Variants in CNTN6 observed in about 807,000 individuals in gnomAD.
CNTN6 encodes contactin-6.
In CNTN6, 137 loss-of-function variants were observed where a neutral mutation model predicts 122.8. That is an observed-to-expected ratio of 1.12 (90% confidence interval 0.97 to 1.29). The LOEUF is 1.29. Ranked by LOEUF, CNTN6 falls within the 50% of genes most tolerant of loss-of-function variation. CNTN6 has a pLI of 0.00. For missense variants in CNTN6, 1,634 were observed against 1,223.4 expected (o/e 1.34, Z -5.01); for synonymous variants, 570 against 426.0 (o/e 1.34, Z -4.16).
chr3:1,102,132 C>T (rs1406374286), intron 1 of CNTN6, among the ~76,000 whole-genome samples: 3 of 152,098 alleles, frequency 2.0e-5, no homozygotes, highest in African/African-American at 7.2e-5. Context: ...TGAATGAGCT[C>T]TCAAAAGAAT....
At chr3:1,295,208 T>C (rs1190055706) in intron 5 of CNTN6, among the ~76,000 whole-genome samples, 1 of 152,252 alleles carries the variant, frequency 6.6e-6, no homozygotes, top group African/African-American at 2.4e-5. Flanking sequence ...TATGTTTAAT[T>C]CTTCTGATAA....
intron 4 of CNTN6, among the ~76,000 whole-genome samples, chr3:1,245,267 AT>A (rs2094555880): frequency 1.0e-3 from 5 of 4,814 alleles, no homozygotes; most frequent in Non-Finnish European, 2.0e-3. Flanking sequence ...ACATATATAT[AT>A]ATATATACAC....
At chr3:1,332,498 G>GGAAGGAAGGAAC (rs1168461926) in intron 11 of CNTN6, among the ~76,000 whole-genome samples, 4 of 101,640 alleles carry the variant, frequency 3.9e-5, no homozygotes, top group Non-Finnish European at 7.8e-5. Context: ...AAGGAAAAAA[G>GGAAGGAAGGAAC]GAAGGAAGGA....
At chr3:1,097,300 T>A (rs1286309012) in intron 1 of CNTN6, among the ~76,000 whole-genome samples, 2 of 152,178 alleles carry the variant, frequency 1.3e-5, no homozygotes, top group African/African-American at 4.8e-5. Context: ...GTAACATGAA[T>A]CAAAATCTGT....
At chr3:1,252,279 G>A (rs748348485) in intron 4 of CNTN6, among the ~76,000 whole-genome samples, 1 of 152,170 alleles carries the variant, frequency 6.6e-6, no homozygotes, top group Non-Finnish European at 1.5e-5. Flanking sequence ...GCTGTTCTCT[G>A]AGGACAAGAA....
intron 1 of CNTN6, among the ~76,000 whole-genome samples, chr3:1,125,886 G>A (rs1053267582): frequency 3.3e-5 from 5 of 151,822 alleles, no homozygotes; most frequent in Admixed American, 2.0e-4. Flanking sequence ...TTATGATGGT[G>A]AACTAGATAA....
intron 2 of CNTN6, among the ~76,000 whole-genome samples, chr3:1,176,110 G>T (rs1261192380): frequency 6.6e-6 from 1 of 152,132 alleles, no homozygotes; most frequent in Non-Finnish European, 1.5e-5. Context: ...AGAAGGAAAA[G>T]GAGTCAGAGT....
intron 4 of CNTN6, among the ~76,000 whole-genome samples, chr3:1,251,613 C>T (rs1352622528): frequency 1.3e-5 from 2 of 152,054 alleles, no homozygotes; most frequent in Non-Finnish European, 2.9e-5. Context: ...CACCTGCTTT[C>T]ACTTTCCAAT....
intron 12 of CNTN6, among the ~76,000 whole-genome samples, chr3:1,365,834 G>T (rs1708141814): frequency 6.6e-6 from 1 of 151,936 alleles, no homozygotes; most frequent in Non-Finnish European, 1.5e-5. Flanking sequence ...TTAACCTTGG[G>T]ACTCCATCTT....
intron 2 of CNTN6, among the ~76,000 whole-genome samples, chr3:1,213,553 A>G (rs2094079223): frequency 6.6e-6 from 1 of 151,954 alleles, no homozygotes; most frequent in East Asian, 1.9e-4. Flanking sequence ...AAAATAAAAA[A>G]CCTATCTCCA....
At chr3:1,343,003 G>C (rs1051250619) in intron 11 of CNTN6, among the ~76,000 whole-genome samples, 9 of 152,070 alleles carry the variant, frequency 5.9e-5, no homozygotes, top group African/African-American at 2.2e-4. Flanking sequence ...TCCTAAGAGA[G>C]TGAGACCGGA....
Position 1,117,346 on chromosome 3 carries a change from A to G in CNTN6, c.-83+24226A>G, listed in dbSNP as rs185750337. ...AAGAAAGGTTAAAAACAAAAATCAG[A>G]AACAGTAAGTCCTGTTCAGGGAACT... is the stretch of plus-strand genomic sequence containing the variant. On this transcript the variant is annotated intron_variant, in intron 1 of 22. Coordinates refer to ENST00000446702, the MANE Select transcript of CNTN6 (RefSeq NM_001289080.2). 2.0e-5 allele frequency among the ~76,000 whole-genome samples: 3 copies of G among 151,168 alleles called. No homozygotes were observed. The East Asian group carries it at 5.8e-4, about 29-fold the overall frequency.
intron 2 of CNTN6, among the ~76,000 whole-genome samples, chr3:1,170,414 G>C (rs948950196): frequency 1.3e-5 from 2 of 152,064 alleles, no homozygotes. Context: ...ACAGTTAGTA[G>C]CAGAACCCGT....
chr3:1,275,538 C>T (rs767976301), intron 4 of CNTN6, among the ~76,000 whole-genome samples: 2 of 152,158 alleles, frequency 1.3e-5, no homozygotes. Context: ...CACCAATTTG[C>T]TCGTGCCAAA....
intron 4 of CNTN6, among the ~76,000 whole-genome samples, chr3:1,269,570 A>C (rs1361296950): frequency 6.6e-6 from 1 of 152,204 alleles, no homozygotes; most frequent in Non-Finnish European, 1.5e-5. Context: ...TATTTTTGTC[A>C]TAAGTGTCAC....
rs139772269 is a variant in CNTN6 at position 1,250,814 on chromosome 3, A to G, written c.358+22821A>G. Among the ~76,000 whole-genome samples the G allele has an allele frequency of 4.6e-5, 7 of 152,224 alleles. No homozygotes were observed. The East Asian group carries it at 1.4e-3, about 29-fold the overall frequency. On this transcript the variant is annotated intron_variant, in intron 4 of 22. Coordinates refer to ENST00000446702, the MANE Select transcript of CNTN6 (RefSeq NM_001289080.2). ...ACTGACATTTGGCTTCCATCTGAAG[A>G]TGCTTCTCCTCTCTGGCTGAACTGC...
At chr3:1,360,124 T>TG (rs1559918407) in intron 12 of CNTN6, among the ~76,000 whole-genome samples, 1 of 151,784 alleles carries the variant, frequency 6.6e-6, no homozygotes, top group East Asian at 1.9e-4. Context: ...TTTGAAAGTG[T>TG]CTTTATTCTG....
chr3:1,392,354 T>A (rs796671716), intron 20 of CNTN6, among the ~76,000 whole-genome samples: 3,319 of 152,228 alleles, frequency 0.022, 18 homozygotes, highest in South Asian at 0.052. Flanking sequence ...GCTACCCATA[T>A]GTAGAAAGCT....
intron 4 of CNTN6, among the ~76,000 whole-genome samples, chr3:1,249,826 C>A (rs1366044561): frequency 2.0e-5 from 3 of 152,120 alleles, no homozygotes; most frequent in African/African-American, 7.2e-5. Flanking sequence ...ATTATTTCAT[C>A]CATTTTTAAG....
Sources: gnomAD v4.1 joint callset for allele counts (sites outside exome capture counted in the v4.1 genomes callset) on GRCh38, gnomAD v4.1.1 for gene constraint, MANE v1.5 for transcripts, NCBI Gene and HGNC (gene_info 2026-07-23, HGNC 2026-07-21) for gene names.